Variants in MYBL1 observed in about 807,000 individuals in gnomAD.
MYBL1 encodes myb-related protein A.
In MYBL1, 17 loss-of-function variants were observed where a neutral mutation model predicts 96.3. The observed-to-expected ratio is 0.18, with a 90% CI of 0.12 to 0.26. The LOEUF is 0.26. Among genes scored for constraint, MYBL1 ranks in the 10% least tolerant of loss-of-function variants. The pLI is 1.00. For missense variants in MYBL1, 701 were observed against 882.9 expected, an observed-to-expected ratio of 0.79 and a Z score of 2.61; for synonymous variants, 282 against 292.7, an observed-to-expected ratio of 0.96 and a Z score of 0.37.
At chr8:66,565,840 C>T (rs1396957431) in intron 15 of MYBL1, among the ~76,000 whole-genome samples, 1 of 152,116 alleles carries the variant, frequency 6.6e-6, no homozygotes, top group African/African-American at 2.4e-5. Flanking sequence ...TAGGAAATCA[C>T]CAGACCAGTC....
At position 66,580,289 on chromosome 8, in the gene MYBL1, G is replaced by A. The variant is rs565495156; in HGVS notation, c.945C>T (p.Asp315=). 2.8e-5 allele frequency: 45 copies of A among 1,613,776 alleles called. No homozygotes were observed. The highest frequency in any genetic ancestry group is 1.6e-4 in the South Asian group (15 of 91,044). ...DNMSNTLNSL[D]EHTSEFYSMD... ...TACTGTAAAACTCACTAGTGTGCTC[G>A]TCAAGGCTATTTAGAGTATTAGACA... Residue 315 remains aspartate (D), a synonymous_variant, in exon 9 of 16, where the codon GAC becomes GAT. Transcript: ENST00000522677.
At chr8:66,589,972 G>A (rs1809573161) in intron 8 of MYBL1, among the ~76,000 whole-genome samples, 1 of 152,054 alleles carries the variant, frequency 6.6e-6, no homozygotes, top group African/African-American at 2.4e-5. Context: ...TACCCAGGAA[G>A]CTGAGGTGGG....
intron 8 of MYBL1, among the ~76,000 whole-genome samples, chr8:66,587,301 CA>C (rs964874806): frequency 6.6e-6 from 1 of 151,636 alleles, no homozygotes; most frequent in African/African-American, 2.4e-5. Context: ...ATACATGTAT[CA>C]AAATAGTACA....
rs116585585 is a variant in MYBL1 at position 66,600,660 on chromosome 8, C to A, written c.198+1038G>T. Among the ~76,000 whole-genome samples the A allele has an allele frequency of 4.6e-3, 706 of 152,270 alleles. 6 individuals carry two copies. Among genetic ancestry groups the A allele is most frequent in the African/African-American group, 0.015 (626 of 41,548 alleles). Reference sequence around the variant, plus strand: ...TCAAAGAGGCTAAGTAATTTTTCCACGCTCATGGAGCTGACATTTGAACAT... The same window carrying A: ...TCAAAGAGGCTAAGTAATTTTTCCAAGCTCATGGAGCTGACATTTGAACAT... On this transcript the variant is annotated intron_variant, in intron 3 of 15. Transcript: ENST00000522677.
At chr8:66,600,915 AATCCCAGCACTCTGGGAGGCCGAGGC>A (rs1810040999) in intron 3 of MYBL1, among the ~76,000 whole-genome samples, 1 of 152,118 alleles carries the variant, frequency 6.6e-6, no homozygotes, top group South Asian at 2.1e-4. Context: ...TCACGCCTGT[AATCCCAGCACTCTGGGAGGCCGAGGC>A]AGTTAGATCA....
intron 12 of MYBL1, 99 bp downstream of exon 12, chr8:66,572,383 A>G: frequency 1.7e-6 from 1 of 602,248 alleles, no homozygotes; most frequent in Non-Finnish European, 2.8e-6. Flanking sequence ...GTTTCAGTAA[A>G]TATCTTTTTT....
At chr8:66,586,050 T>G (rs1435088659) in intron 8 of MYBL1, among the ~76,000 whole-genome samples, 2 of 147,100 alleles carry the variant, frequency 1.4e-5, no homozygotes, top group Non-Finnish European at 3.0e-5. Context: ...GTGTTTTTTT[T>G]TTTTTTTTTT....
intron 12 of MYBL1, among the ~76,000 whole-genome samples, chr8:66,568,868 T>C (rs1362908442): frequency 6.6e-6 from 1 of 151,660 alleles, no homozygotes; most frequent in African/African-American, 2.4e-5. Context: ...CTACTAAAAA[T>C]ACAAAAATTA....
intron 12 of MYBL1, among the ~76,000 whole-genome samples, chr8:66,572,080 G>T (rs549620944): frequency 4.5e-4 from 68 of 151,704 alleles, no homozygotes; most frequent in African/African-American, 1.5e-3. Context: ...AGGCCGAGGT[G>T]GGGGGGAGGG....
intron 9 of MYBL1, 104 bp downstream of exon 9, chr8:66,580,029 G>T: frequency 1.2e-6 from 1 of 802,148 alleles, no homozygotes; most frequent in South Asian, 2.0e-5. Context: ...AATTAAGCAT[G>T]GCATACAAAA....
intron 1 of MYBL1, among the ~76,000 whole-genome samples, chr8:66,605,909 A>G (rs902554920): frequency 2.0e-5 from 3 of 152,202 alleles, no homozygotes; most frequent in African/African-American, 4.8e-5. Context: ...TCTACCATTT[A>G]TTTAAAACTT....
intron 9 of MYBL1, 41 bp downstream of exon 9, chr8:66,580,092 C>G (rs1395725668): frequency 7.0e-7 from 1 of 1,429,994 alleles, no homozygotes; most frequent in Non-Finnish European, 9.7e-7. Context: ...AATCATATAA[C>G]TAAAATTGAA....
intron 1 of MYBL1, among the ~76,000 whole-genome samples, chr8:66,606,219 T>C (rs1810306592): frequency 6.6e-6 from 1 of 152,236 alleles, no homozygotes; most frequent in African/African-American, 2.4e-5. Flanking sequence ...TTTAGTTTAC[T>C]TGTTTGTAAA....
Position 66,580,243 on chromosome 8 carries a change from A to T in MYBL1, c.991T>A (p.Ser331Thr), listed in dbSNP as rs542316132. Residue 331 changes from serine to threonine, a missense_variant, in exon 9 of 16, where the codon TCT becomes ACT. Physicochemically the swap from Ser to Thr is moderately conservative, Grantham distance 58 (BLOSUM62 1). Coordinates refer to ENST00000522677, the MANE Select transcript of MYBL1 (RefSeq NM_001080416.4). ...FYSMDENQPVSAQQNSPTKFL... is the reference protein window; with the variant it reads ...FYSMDENQPVTAQQNSPTKFL... ...TTTGTGGGTGAATTCTGCTGAGCAG[A>T]CACAGGCTGATTTTCATCCATACTG... 3 of 1,613,942 alleles carry T rather than the reference A, an allele frequency of 1.9e-6. No homozygotes were observed.
At chr8:66,600,017 T>C (rs1810006868) in intron 3 of MYBL1, among the ~76,000 whole-genome samples, 2 of 152,206 alleles carry the variant, frequency 1.3e-5, no homozygotes, top group Admixed American at 6.5e-5. Context: ...ATTGGTTAAG[T>C]GTTGACACTT....
chr8:66,595,549 T>A, intron 6 of MYBL1, 34 bp downstream of exon 6: 1 of 1,328,722 alleles, frequency 7.5e-7, no homozygotes, highest in Non-Finnish European at 9.8e-7. Flanking sequence ...CTTAAGAAAA[T>A]TTTTTAAATA....
intron 11 of MYBL1, 66 bp from the exon 12 acceptor site, chr8:66,572,662 A>C (rs1808781763): frequency 1.4e-6 from 1 of 700,846 alleles, no homozygotes; most frequent in Non-Finnish European, 2.3e-6. Flanking sequence ...AATGAAAGCA[A>C]AGCAATTTAA....
In MYBL1 at chr8:66,582,692, TG is replaced by T. The variant is rs200353526; in HGVS notation, c.868-2327del. Among the ~76,000 whole-genome samples, 723 of 136,106 alleles carry T rather than the reference TG, an allele frequency of 5.3e-3. 6 individuals are homozygous for T. Among genetic ancestry groups the T allele is most frequent in the African/African-American group, 0.018 (648 of 35,746 alleles). 89.3% of individuals were successfully genotyped at this position (136,106 alleles called of 152,430 possible). ...AAGATCACAGCACTGTATTTCAGCCTGGGGGGACGGAGTGAAACCCTGCCTC... is the reference window on the plus strand; with the variant it reads ...AAGATCACAGCACTGTATTTCAGCCTGGGGGACGGAGTGAAACCCTGCCTC... On this transcript the variant is annotated intron_variant, in intron 8 of 15. Transcript: ENST00000522677.
chr8:66,567,513 G>C (rs556421525), intron 12 of MYBL1, among the ~76,000 whole-genome samples: 38 of 149,770 alleles, frequency 2.5e-4, no homozygotes, highest in African/African-American at 8.4e-4. Flanking sequence ...TATCCAAGAA[G>C]ACAGAGAGAG....
Sources: gnomAD v4.1 joint callset for allele counts (sites outside exome capture counted in the v4.1 genomes callset) on GRCh38, gnomAD v4.1.1 for gene constraint, MANE v1.5 for transcripts, NCBI Gene and HGNC (gene_info 2026-07-23, HGNC 2026-07-21) for gene names.